Variants in FARP1 observed in about 807,000 individuals in gnomAD.
FARP1 encodes the protein FERM, ARHGEF and pleckstrin domain-containing protein 1.
Under a neutral mutation model 128.8 loss-of-function variants are expected in FARP1, and 52 were observed. The ratio of observed to expected loss-of-function variants is 0.40; its 90% CI spans 0.32 to 0.51. The LOEUF (loss-of-function observed/expected upper bound fraction) is 0.51, where lower values mean the gene tolerates loss of function less well. Among genes scored for constraint, FARP1 ranks in the 20% least tolerant of loss-of-function variants. The pLI is 0.45. For synonymous variants in FARP1, 580 were observed against 551.8 expected, an observed-to-expected ratio of 1.05 and a Z score of -0.72; for missense variants, 1,333 against 1,367.9, an observed-to-expected ratio of 0.97 and a Z score of 0.40.
intron 1 of FARP1, among the ~76,000 whole-genome samples, chr13:98,166,702 A>G (rs1435408689): frequency 6.6e-6 from 1 of 150,928 alleles, no homozygotes; most frequent in Admixed American, 6.6e-5. Context: ...TAATCTGATC[A>G]GTGAGATGCC....
chr13:98,340,491 C>A (rs558703886), intron 2 of FARP1, among the ~76,000 whole-genome samples: 8 of 151,984 alleles, frequency 5.3e-5, no homozygotes, highest in Non-Finnish European at 1.2e-4. Flanking sequence ...ATTACAGGAG[C>A]GGGCCACCAC....
intron 5 of FARP1, among the ~76,000 whole-genome samples, chr13:98,372,867 T>C (rs1398258707): frequency 6.6e-6 from 1 of 152,182 alleles, no homozygotes. Flanking sequence ...ACCGGTTCAG[T>C]TTTATTTAGT....
At chr13:98,172,201 C>CCTG (rs1393268674) in intron 1 of FARP1, among the ~76,000 whole-genome samples, 2 of 151,354 alleles carry the variant, frequency 1.3e-5, no homozygotes, top group African/African-American at 4.9e-5. Flanking sequence ...CAGTGGGAGT[C>CCTG]CTGCGGACAC....
intron 16 of FARP1, among the ~76,000 whole-genome samples, chr13:98,413,913 CA>C (rs1891285258): frequency 6.6e-6 from 1 of 152,148 alleles, no homozygotes; most frequent in Non-Finnish European, 1.5e-5. Context: ...GTCACTATAG[CA>C]GTCTCAGTGC....
rs561272893 is a variant in FARP1, at chr13:98,392,927, A to G, written c.1089-716A>G. 5.9e-5 allele frequency among the ~76,000 whole-genome samples: 9 copies of G among 152,148 alleles called. No individual in the cohort carries two copies. The South Asian group carries it at 1.9e-3, about 32-fold the overall frequency. Reference sequence around the variant, plus strand: ...AAGAAATAGCCCAGTTCTCTCTCTGATTCAGAATGTGGATCTCTAGAGCTT... The same window carrying G: ...AAGAAATAGCCCAGTTCTCTCTCTGGTTCAGAATGTGGATCTCTAGAGCTT... On this transcript the variant is annotated intron_variant, in intron 11 of 26. Transcript: ENST00000319562.
intron 2 of FARP1, chr13:98,244,586 A>G: frequency 6.2e-7 from 1 of 1,614,180 alleles, no homozygotes; most frequent in Non-Finnish European, 8.5e-7. Flanking sequence ...ATTCACATCT[A>G]ATTGAGAAGT....
At chr13:98,232,140 G>GTTTGTTT (rs778130942) in intron 2 of FARP1, among the ~76,000 whole-genome samples, 2 of 92,194 alleles carry the variant, frequency 2.2e-5, no homozygotes, top group South Asian at 3.1e-4. Flanking sequence ...TTTTTTGTTT[G>GTTTGTTT]GTTGGTTTTT....
At chr13:98,175,040 G>A (rs558542522) in intron 1 of FARP1, among the ~76,000 whole-genome samples, 2 of 152,236 alleles carry the variant, frequency 1.3e-5, no homozygotes, top group African/African-American at 2.4e-5. Flanking sequence ...TCGCTCTGCC[G>A]CAGTTGCTTG....
At chr13:98,166,727 T>A (rs1403985652) in intron 1 of FARP1, among the ~76,000 whole-genome samples, 4 of 149,110 alleles carry the variant, frequency 2.7e-5, no homozygotes, top group Non-Finnish European at 6.0e-5. Context: ...TTTCTTTCTT[T>A]TTTTTTTTTT....
At chr13:98,395,147 T>C in intron 12 of FARP1, 80 bp from the exon 13 acceptor site, 4 of 1,489,088 alleles carry the variant, frequency 2.7e-6, no homozygotes, top group Non-Finnish European at 3.6e-6. Context: ...CTTGCCTGGC[T>C]CTCCTTTTCT....
At chr13:98,182,968 C>T (rs1234361289) in intron 1 of FARP1, among the ~76,000 whole-genome samples, 2 of 152,192 alleles carry the variant, frequency 1.3e-5, no homozygotes, top group Non-Finnish European at 2.9e-5. Context: ...TTTTATGTCA[C>T]TTTCCTGGTA....
chr13:98,236,192 AC>A (rs1882408936), intron 2 of FARP1, among the ~76,000 whole-genome samples: 1 of 152,026 alleles, frequency 6.6e-6, no homozygotes, highest in Non-Finnish European at 1.5e-5. Flanking sequence ...ACCATAAATA[AC>A]CCTCATCACA....
At chr13:98,438,689 C>T (rs1392872908) in intron 19 of FARP1, 115 bp from the exon 20 acceptor site, 9 of 786,114 alleles carry the variant, frequency 1.1e-5, no homozygotes, top group South Asian at 1.6e-5. Context: ...GGGGTCTGCA[C>T]GCTCGCAGTC....
At chr13:98,214,555 A>G (rs1880945004) in intron 2 of FARP1, among the ~76,000 whole-genome samples, 1 of 152,206 alleles carries the variant, frequency 6.6e-6, no homozygotes, top group Non-Finnish European at 1.5e-5. Context: ...TTGGTAACCC[A>G]TCATTTAATC....
chr13:98,155,599 A>G (rs1438792883), intron 1 of FARP1, among the ~76,000 whole-genome samples: 2 of 151,932 alleles, frequency 1.3e-5, no homozygotes, highest in African/African-American at 4.8e-5. Context: ...GCTCATTGCA[A>G]TCTCTGCCTC....
chr13:98,446,328 G>A (rs1307012365), intron 25 of FARP1, 123 bp downstream of exon 25: 1 of 659,250 alleles, frequency 1.5e-6, no homozygotes, highest in East Asian at 2.6e-5. Context: ...GGGATGACAG[G>A]GATGCTGGCG....
intron 1 of FARP1, chr13:98,208,551 C>A (rs1351740752): frequency 6.6e-6 from 1 of 152,198 alleles, no homozygotes; most frequent in Admixed American, 6.6e-5. Context: ...CTGAGACAGA[C>A]AGTGTTAGCT....
In FARP1 at chr13:98,355,009, T is replaced by C. The variant is rs7324459; in HGVS notation, c.277-10386T>C. Among the ~76,000 whole-genome samples, 281 of 152,322 alleles carry C rather than the reference T, an allele frequency of 1.8e-3. 1 individual carries two copies. Among genetic ancestry groups the C allele is most frequent in the African/African-American group, 6.6e-3 (275 of 41,568 alleles). On this transcript the variant is annotated intron_variant, in intron 3 of 26. Coordinates refer to ENST00000319562, the MANE Select transcript of FARP1 (RefSeq NM_005766.4). The stretch of plus-strand genomic sequence containing the variant: ...CTGATTACATATTTAATTGGTAATA[T>C]TCTGCACAGATGGGGTTAGATAAAA...
At chr13:98,307,927 T>C (rs1217643185) in intron 2 of FARP1, among the ~76,000 whole-genome samples, 2 of 152,118 alleles carry the variant, frequency 1.3e-5, no homozygotes, top group African/African-American at 2.4e-5. Context: ...CAAGATCGTT[T>C]ACAATCTGAC....
Sources: allele counts gnomAD v4.1 joint callset (sites outside exome capture counted in the v4.1 genomes callset), GRCh38; gene constraint gnomAD v4.1.1; transcripts MANE v1.5; gene names NCBI Gene and HGNC (gene_info 2026-07-23, HGNC 2026-07-21).